The following LDB2 variants were observed in gnomAD, a reference collection of about 807,000 sequenced individuals.
LDB2 encodes the protein LIM domain binding 2.
LDB2 carries 12 observed loss-of-function variants against 44.3 expected under a neutral mutation model. That is an observed-to-expected ratio of 0.27 (90% CI 0.17 to 0.44). The LOEUF is 0.44. LDB2 is among the 20% of genes least tolerant of loss of function. The probability of loss-of-function intolerance (pLI) is 1.00; values close to 1 mark genes in which losing one functional copy is unlikely to be tolerated. For missense variants in LDB2, 344 were observed against 473.5 expected (o/e 0.73, Z 2.54); for synonymous variants, 164 against 174.8 (o/e 0.94, Z 0.49).
At chr4:16,556,581 A>C (rs1343582547) in intron 5 of LDB2, among the ~76,000 whole-genome samples, 1 of 152,218 alleles carries the variant, frequency 6.6e-6, no homozygotes, top group Non-Finnish European at 1.5e-5. Flanking sequence ...GTTTATTCAC[A>C]TAGTCATTGC....
intron 2 of LDB2, among the ~76,000 whole-genome samples, chr4:16,654,311 A>G (rs1001318656): frequency 6.6e-6 from 1 of 152,114 alleles, no homozygotes; most frequent in African/African-American, 2.4e-5. Context: ...TTTTTGCAGA[A>G]TAGGTCATTG....
intron 1 of LDB2, among the ~76,000 whole-genome samples, chr4:16,800,655 A>T (rs1018799605): frequency 2.0e-5 from 3 of 152,154 alleles, no homozygotes; most frequent in African/African-American, 7.2e-5. Flanking sequence ...AGAGGAATAG[A>T]AGACGTTTCT....
At chr4:16,821,544 C>A (rs1782016587) in intron 1 of LDB2, among the ~76,000 whole-genome samples, 2 of 132,674 alleles carry the variant, frequency 1.5e-5, no homozygotes, top group South Asian at 4.9e-4. Flanking sequence ...CCACCACGCC[C>A]AGCTAATTTT....
chr4:16,603,733 A>G lies in LDB2; in HGVS notation c.236-7858T>C, dbSNP rs115558322. The stretch of plus-strand genomic sequence containing the variant: ...ATTCAAAAAAGAAATAGGGAGAGAA[A>G]TTGATTCAAATTAAATTAAATGTAC... On this transcript the variant is annotated intron_variant, in intron 2 of 7. Transcript: ENST00000304523. Among the ~76,000 whole-genome samples the G allele has an allele frequency of 2.2e-3, 328 of 152,266 alleles. 3 individuals carry two copies. The highest frequency in any genetic ancestry group is 7.4e-3 in the African/African-American group (306 of 41,562).
intron 5 of LDB2, among the ~76,000 whole-genome samples, chr4:16,585,258 G>C (rs1463676283): frequency 6.6e-6 from 1 of 152,196 alleles, no homozygotes; most frequent in Non-Finnish European, 1.5e-5. Context: ...GGCTGACTTT[G>C]GTTTCCCTCT....
At chr4:16,663,926 C>G (rs1461320448) in intron 2 of LDB2, among the ~76,000 whole-genome samples, 1 of 152,104 alleles carries the variant, frequency 6.6e-6, no homozygotes, top group Non-Finnish European at 1.5e-5. Context: ...AAAGACAGTC[C>G]AAGTAATGAC....
chr4:16,643,486 TATC>T (rs1267452311), intron 2 of LDB2, among the ~76,000 whole-genome samples: 24 of 152,238 alleles, frequency 1.6e-4, no homozygotes, highest in African/African-American at 5.8e-4. Context: ...TGTTCTTTGC[TATC>T]ATCATTATCA....
intron 1 of LDB2, among the ~76,000 whole-genome samples, chr4:16,897,901 T>A (rs1234394913): frequency 5.7e-5 from 1 of 17,486 alleles, no homozygotes; most frequent in Non-Finnish European, 9.9e-5. Flanking sequence ...AGAAAATATA[T>A]ATATATATAT....
At chr4:16,558,197 A>C (rs1464551439) in intron 5 of LDB2, among the ~76,000 whole-genome samples, 3 of 152,232 alleles carry the variant, frequency 2.0e-5, no homozygotes, top group African/African-American at 4.8e-5. Context: ...GCAATGGAAC[A>C]AAGCTGGATG....
At chr4:16,717,946 A>G (rs1236942452) in intron 2 of LDB2, among the ~76,000 whole-genome samples, 1 of 152,188 alleles carries the variant, frequency 6.6e-6, no homozygotes, top group Non-Finnish European at 1.5e-5. Context: ...TCTTGTAATC[A>G]GAAGCTCTAT....
At chr4:16,828,756 T>C (rs1783521970) in intron 1 of LDB2, among the ~76,000 whole-genome samples, 1 of 152,120 alleles carries the variant, frequency 6.6e-6, no homozygotes, top group South Asian at 2.1e-4. Context: ...ACAGAAAAAG[T>C]GTGACTTAAG....
intron 2 of LDB2, among the ~76,000 whole-genome samples, chr4:16,663,844 A>G (rs1486427854): frequency 6.6e-6 from 1 of 152,194 alleles, no homozygotes; most frequent in Non-Finnish European, 1.5e-5. Context: ...ATAAATTCTC[A>G]GGCAATTCCA....
chr4:16,705,983 T>C lies in LDB2; in HGVS notation c.235+53175A>G, dbSNP rs116826308. ...AATCTTTTTTTTTAAGTGAACAAAA[T>C]AAACAGGCAAATCTTGTGGATAATA... is the stretch of plus-strand genomic sequence containing the variant. On this transcript the variant is annotated intron_variant, in intron 2 of 7. Coordinates refer to ENST00000304523, the MANE Select transcript of LDB2 (RefSeq NM_001290.5). Among the ~76,000 whole-genome samples the C allele has an allele frequency of 5.0e-3, 761 of 152,272 alleles. 10 individuals are homozygous for C. Among genetic ancestry groups the C allele is most frequent in the African/African-American group, 0.018 (733 of 41,564 alleles).
intron 2 of LDB2, among the ~76,000 whole-genome samples, chr4:16,727,417 A>G (rs1349891486): frequency 2.6e-5 from 4 of 152,220 alleles, no homozygotes; most frequent in African/African-American, 9.6e-5. Flanking sequence ...ACCCTGCTCC[A>G]GGAACTGGGA....
intron 1 of LDB2, among the ~76,000 whole-genome samples, chr4:16,868,653 A>T (rs916799375): frequency 2.6e-5 from 4 of 152,214 alleles, no homozygotes; most frequent in Admixed American, 1.3e-4. Flanking sequence ...TCAAAGGATG[A>T]AGACTGAAGT....
chr4:16,553,278 T>C (rs1247980786), intron 5 of LDB2, among the ~76,000 whole-genome samples: 4 of 152,076 alleles, frequency 2.6e-5, no homozygotes, highest in Non-Finnish European at 5.9e-5. Context: ...TCAGCCTCCT[T>C]AGTAGCTGGA....
intron 2 of LDB2, among the ~76,000 whole-genome samples, chr4:16,711,355 C>T (rs1044581629): frequency 6.6e-6 from 1 of 152,166 alleles, no homozygotes; most frequent in Non-Finnish European, 1.5e-5. Flanking sequence ...TGGGCTCTCT[C>T]GCGTGCTCAA....
chr4:16,820,257 T>C (rs891202137), intron 1 of LDB2, among the ~76,000 whole-genome samples: 2 of 152,200 alleles, frequency 1.3e-5, no homozygotes, highest in African/African-American at 4.8e-5. Context: ...GGGGGGTAGT[T>C]TAGTATTTTT....
intron 5 of LDB2, among the ~76,000 whole-genome samples, chr4:16,580,276 A>G (rs565349318): frequency 1.3e-5 from 2 of 152,324 alleles, no homozygotes; most frequent in South Asian, 2.1e-4. Context: ...TACAAATGAA[A>G]GAAGGTGTGG....
Sources: gnomAD v4.1 joint callset for allele counts (sites outside exome capture counted in the v4.1 genomes callset) on GRCh38, gnomAD v4.1.1 for gene constraint, MANE v1.5 for transcripts, NCBI Gene and HGNC (gene_info 2026-07-23, HGNC 2026-07-21) for gene names.